SEL1L3: variants seen among roughly 807,000 people sequenced by gnomAD.
SEL1L3 encodes the protein protein sel-1 homolog 3.
In SEL1L3, 76 loss-of-function variants were observed where a neutral mutation model predicts 142.8. The observed-to-expected ratio is 0.53, with a 90% CI of 0.44 to 0.64. The LOEUF (loss-of-function observed/expected upper bound fraction) is 0.64, where lower values mean the gene tolerates loss of function less well. Among genes scored for constraint, SEL1L3 ranks in the 30% least tolerant of loss-of-function variants. The probability of loss-of-function intolerance (pLI) is 0.00; values close to 1 mark genes in which losing one functional copy is unlikely to be tolerated. For missense variants in SEL1L3, 1,262 were observed against 1,381.7 expected (o/e 0.91, Z 1.37); for synonymous variants, 504 against 519.6 (o/e 0.97, Z 0.41).
At chr4:25,721,240 A>G in the SEL1L3 span, among the ~76,000 whole-genome samples, 1 of 151,700 alleles carries the variant, frequency 6.6e-6, no homozygotes, top group African/African-American at 2.4e-5. Flanking sequence ...TCTAGTATTA[A>G]GAAGCTGAGT....
chr4:25,766,970 TTC>T (rs201179091), intron 19 of SEL1L3, among the ~76,000 whole-genome samples: 2 of 152,044 alleles, frequency 1.3e-5, no homozygotes, highest in African/African-American at 2.4e-5. Context: ...CATAATAGCG[TTC>T]TCTTTTACAT....
chr4:25,809,028 G>C (rs536032234), intron 9 of SEL1L3, among the ~76,000 whole-genome samples: 3 of 142,906 alleles, frequency 2.1e-5, no homozygotes, highest in African/African-American at 5.2e-5. Flanking sequence ...AGCCGAGATC[G>C]CGCCACTGCA....
At chr4:25,855,282 A>G (rs1274630372) in intron 1 of SEL1L3, among the ~76,000 whole-genome samples, 1 of 152,274 alleles carries the variant, frequency 6.6e-6, no homozygotes, top group African/African-American at 2.4e-5. Flanking sequence ...CAGGCATGAC[A>G]CGTGTCCAGC....
chr4:25,844,236 C>T (rs1411829032), intron 2 of SEL1L3, among the ~76,000 whole-genome samples: 2 of 152,234 alleles, frequency 1.3e-5, no homozygotes, highest in Admixed American at 6.5e-5. Flanking sequence ...TCTATCCCCA[C>T]AGCCCAGATC....
chr4:25,758,100 G>A (rs763719536), intron 21 of SEL1L3, among the ~76,000 whole-genome samples: 1 of 152,174 alleles, frequency 6.6e-6, no homozygotes, highest in African/African-American at 2.4e-5. Context: ...CAAGCAAGAC[G>A]CTGAAGAACA....
intron 2 of SEL1L3, among the ~76,000 whole-genome samples, chr4:25,842,617 C>A (rs1393018384): frequency 6.6e-6 from 1 of 152,194 alleles, no homozygotes; most frequent in African/African-American, 2.4e-5. Context: ...GGAGCACTGC[C>A]ACCTCCACCC....
At chr4:25,830,784 G>A (rs1715389186) in intron 5 of SEL1L3, among the ~76,000 whole-genome samples, 1 of 152,186 alleles carries the variant, frequency 6.6e-6, no homozygotes, top group South Asian at 2.1e-4. Flanking sequence ...CAAAGACGTG[G>A]CTACGACACT....
At chr4:25,816,679 G>A (rs533250838) in intron 9 of SEL1L3, among the ~76,000 whole-genome samples, 1 of 152,034 alleles carries the variant, frequency 6.6e-6, no homozygotes, top group Non-Finnish European at 1.5e-5. Flanking sequence ...AAACCCTTCA[G>A]CAGGTCCCTG....
intron 6 of SEL1L3, among the ~76,000 whole-genome samples, chr4:25,823,512 G>A (rs947540352): frequency 2.0e-5 from 3 of 151,742 alleles, no homozygotes; most frequent in Admixed American, 2.0e-4. Flanking sequence ...GAGACTCCAT[G>A]TCAAAATAAT....
chr4:25,862,908 C>G lies in SEL1L3; in HGVS notation c.-72G>C, dbSNP rs1340307438. The G allele has an allele frequency of 1.0e-6, 1 of 997,000 alleles. No homozygotes were observed. Among genetic ancestry groups the G allele is most frequent in the Non-Finnish European group, 1.2e-6 (1 of 835,380 alleles). The allele number at this position is 997,000 out of a possible 1,614,324, so 61.8% of individuals were successfully genotyped here. On this transcript the variant is annotated 5_prime_UTR_variant, in exon 1 of 24. Coordinates refer to ENST00000399878, the MANE Select transcript of SEL1L3 (RefSeq NM_015187.5). ...GACCGGCCCCCGCCCGAGGCGCCAC[C>G]TTCCCGCCCGCCCCCGGCCGGGCCG...
At chr4:25,779,738 T>C (rs1719873762) in intron 15 of SEL1L3, among the ~76,000 whole-genome samples, 1 of 152,100 alleles carries the variant, frequency 6.6e-6, no homozygotes, top group Non-Finnish European at 1.5e-5. Flanking sequence ...AGGGAAAAAA[T>C]AAGACAAACA....
intron 19 of SEL1L3, among the ~76,000 whole-genome samples, chr4:25,766,801 C>T (rs1195816845): frequency 1.3e-5 from 2 of 152,148 alleles, no homozygotes; most frequent in East Asian, 3.9e-4. Context: ...GACTTCTTCT[C>T]CCATCCTGCA....
the SEL1L3 span, among the ~76,000 whole-genome samples, chr4:25,727,055 T>C: frequency 6.8e-6 from 1 of 147,618 alleles, no homozygotes; most frequent in Non-Finnish European, 1.5e-5. Flanking sequence ...TTCTTTTTAA[T>C]TTTCTTTTTT....
chr4:25,775,558 AG>A (rs896397543), intron 17 of SEL1L3, among the ~76,000 whole-genome samples: 1 of 152,224 alleles, frequency 6.6e-6, no homozygotes, highest in Non-Finnish European at 1.5e-5. Flanking sequence ...ATGTGACCCA[AG>A]TTAAAACAAC....
At chr4:25,753,446 CATT>C (rs1717734377) in intron 23 of SEL1L3, among the ~76,000 whole-genome samples, 1 of 152,204 alleles carries the variant, frequency 6.6e-6, no homozygotes, top group African/African-American at 2.4e-5. Flanking sequence ...ACCCAGAGTT[CATT>C]ATTAAGTTTG....
chr4:25,788,353 G>A lies in SEL1L3; in HGVS notation c.2088C>T (p.Ala696=), dbSNP rs1386321466. The A allele has an allele frequency of 3.7e-6, 6 of 1,613,780 alleles. No homozygotes were observed. The highest frequency in any genetic ancestry group is 4.5e-5 in the East Asian group (2 of 44,874). Residue 696 remains alanine (A), a synonymous_variant, in exon 13 of 24, where the codon GCC becomes GCT. Transcript: ENST00000399878. This position sits in a 1 kb window ranked among gnomAD's most constrained non-coding sequence, Gnocchi z 5.3. ...CTTGCTGCCCCCAGAACAGCATCTGGGCCAATCGTTGCTTAAAGATAATAG... is the reference window on the plus strand; with the variant it reads ...CTTGCTGCCCCCAGAACAGCATCTGAGCCAATCGTTGCTTAAAGATAATAG... ...RGNAAAQQRL[A]QMLFWGQQGV...
At chr4:25,755,301 C>CT (rs1189843366) in intron 23 of SEL1L3, among the ~76,000 whole-genome samples, 3 of 151,386 alleles carry the variant, frequency 2.0e-5, no homozygotes, top group South Asian at 4.2e-4. Context: ...TGGGGTCTCG[C>CT]TATGTTGCCC....
chr4:25,836,080 A>G (rs1715798455), intron 2 of SEL1L3, among the ~76,000 whole-genome samples: 3 of 152,202 alleles, frequency 2.0e-5, no homozygotes, highest in South Asian at 2.1e-4. Flanking sequence ...AACTTTCCAC[A>G]GTAAATTCAA....
chr4:25,722,542 C>T, the SEL1L3 span, among the ~76,000 whole-genome samples: 1 of 151,776 alleles, frequency 6.6e-6, no homozygotes, highest in Non-Finnish European at 1.5e-5. Flanking sequence ...CCACACACAT[C>T]TGAGTCTTTC....
Sources: allele counts gnomAD v4.1 joint callset (sites outside exome capture counted in the v4.1 genomes callset), GRCh38; gene constraint gnomAD v4.1.1; non-coding constraint Gnocchi (gnomAD v3.1); transcripts MANE v1.5; gene names NCBI Gene and HGNC (gene_info 2026-07-23, HGNC 2026-07-21).